Variants in TEAD1 observed in about 807,000 individuals in gnomAD.
TEAD1 encodes transcriptional enhancer factor TEF-1.
TEAD1 carries 9 observed loss-of-function variants against 54.9 expected under a neutral mutation model. The ratio of observed to expected loss-of-function variants is 0.16; its 90% CI spans 0.10 to 0.29. The LOEUF (loss-of-function observed/expected upper bound fraction) is 0.29, where lower values mean the gene tolerates loss of function less well. Among genes scored for constraint, TEAD1 ranks in the 10% least tolerant of loss-of-function variants. The pLI is 1.00. For synonymous variants in TEAD1, 200 were observed against 187.8 expected, an observed-to-expected ratio of 1.07 and a Z score of -0.53; for missense variants, 387 against 535.9, an observed-to-expected ratio of 0.72 and a Z score of 2.74.
Position 12,938,653 on chromosome 11 carries a change from A to G in TEAD1, c.*1431A>G, listed in dbSNP as rs937255235. On this transcript the variant is annotated 3_prime_UTR_variant, in exon 13 of 13. Coordinates refer to ENST00000527636, the MANE Select transcript of TEAD1 (RefSeq NM_021961.6). Reference sequence around the variant, plus strand: ...AGCTACCTATCTCTGACCTTTTCAAATAGGCTCATTTGGGAGATTCTTTTG... The same window carrying G: ...AGCTACCTATCTCTGACCTTTTCAAGTAGGCTCATTTGGGAGATTCTTTTG... The G allele has an allele frequency of 1.3e-5, 2 of 152,246 alleles. No homozygotes were observed. Among genetic ancestry groups the G allele is most frequent in the African/African-American group, 4.8e-5 (2 of 41,468 alleles). The allele number at this position is 152,246 out of a possible 1,614,324, so 9.4% of individuals were successfully genotyped here.
chr11:12,713,481 G>A (rs1943985944), intron 2 of TEAD1, among the ~76,000 whole-genome samples: 1 of 152,198 alleles, frequency 6.6e-6, no homozygotes, highest in Non-Finnish European at 1.5e-5. Flanking sequence ...GTATTAGTTT[G>A]TTGGCTCTTA....
At chr11:12,809,442 T>C (rs1946245851) in intron 3 of TEAD1, among the ~76,000 whole-genome samples, 1 of 152,176 alleles carries the variant, frequency 6.6e-6, no homozygotes, top group African/African-American at 2.4e-5. Flanking sequence ...TGGGCCCCCA[T>C]TTCTGAATCT....
chr11:12,818,623 T>G (rs1946466888), intron 3 of TEAD1, among the ~76,000 whole-genome samples: 1 of 152,200 alleles, frequency 6.6e-6, no homozygotes, highest in East Asian at 1.9e-4. Context: ...TCCTCCCTTC[T>G]TCCCCTACAT....
intron 3 of TEAD1, among the ~76,000 whole-genome samples, chr11:12,768,657 G>A (rs560591619): frequency 5.9e-5 from 9 of 152,306 alleles, no homozygotes; most frequent in South Asian, 2.1e-4. Flanking sequence ...GGTAGAGACC[G>A]TTATACATAA....
At chr11:12,936,319 G>A (rs1408869059) in intron 12 of TEAD1, among the ~76,000 whole-genome samples, 1 of 152,130 alleles carries the variant, frequency 6.6e-6, no homozygotes, top group African/African-American at 2.4e-5. Flanking sequence ...GAGACTGGAG[G>A]GGAAGCATGA....
chr11:12,853,392 A>G (rs759483806), intron 3 of TEAD1, among the ~76,000 whole-genome samples: 2 of 152,178 alleles, frequency 1.3e-5, no homozygotes, highest in Non-Finnish European at 2.9e-5. Context: ...AGATGTGGGC[A>G]GTAGGAGCCT....
At chr11:12,936,297 A>G (rs1044106812) in intron 12 of TEAD1, among the ~76,000 whole-genome samples, 1 of 152,222 alleles carries the variant, frequency 6.6e-6, no homozygotes, top group African/African-American at 2.4e-5. Context: ...AGGGATAATT[A>G]GAGGGATTCA....
chr11:12,731,846 T>C (rs777903622), intron 2 of TEAD1, among the ~76,000 whole-genome samples: 7 of 152,200 alleles, frequency 4.6e-5, no homozygotes, highest in Admixed American at 6.5e-5. Flanking sequence ...GGATATGGCT[T>C]TGTGCCCGTT....
chr11:12,692,604 C>G (rs1943483144), intron 2 of TEAD1, among the ~76,000 whole-genome samples: 1 of 152,192 alleles, frequency 6.6e-6, no homozygotes, highest in Admixed American at 6.5e-5. Context: ...CCCCCCGCCC[C>G]CGCTTTCCTC....
At chr11:12,693,540 A>G (rs1475873396) in intron 2 of TEAD1, among the ~76,000 whole-genome samples, 1 of 152,196 alleles carries the variant, frequency 6.6e-6, no homozygotes, top group Non-Finnish European at 1.5e-5. Context: ...ACCTTATCCC[A>G]CCTGTTATCC....
chr11:12,785,251 G>A (rs889517767), intron 3 of TEAD1, among the ~76,000 whole-genome samples: 1 of 152,132 alleles, frequency 6.6e-6, no homozygotes, highest in African/African-American at 2.4e-5. Context: ...AGAGCTGGAG[G>A]GATCTGGAGA....
intron 5 of TEAD1, among the ~76,000 whole-genome samples, chr11:12,867,968 C>T (rs1035255731): frequency 2.0e-5 from 3 of 152,180 alleles, no homozygotes; most frequent in African/African-American, 7.2e-5. Flanking sequence ...AGACACTGCC[C>T]TAGCCAGGTT....
chr11:12,877,443 G>A (rs544845415), intron 5 of TEAD1, among the ~76,000 whole-genome samples: 44 of 152,192 alleles, frequency 2.9e-4, no homozygotes, highest in Middle Eastern at 3.4e-3. Context: ...ATCTGAGGTC[G>A]GGAGTTCGAG....
chr11:12,929,452 G>T (rs1371144192), intron 11 of TEAD1, among the ~76,000 whole-genome samples: 1 of 149,736 alleles, frequency 6.7e-6, no homozygotes, highest in Non-Finnish European at 1.5e-5. Context: ...TTTTAAGGAT[G>T]TGTGTTTTAT....
At chr11:12,856,800 C>T (rs182703584) in intron 3 of TEAD1, among the ~76,000 whole-genome samples, 1 of 152,270 alleles carries the variant, frequency 6.6e-6, no homozygotes, top group East Asian at 1.9e-4. Flanking sequence ...CCAGGGCAGT[C>T]CAGTCCTTCA....
intron 2 of TEAD1, among the ~76,000 whole-genome samples, chr11:12,721,519 CAA>C (rs913420932): frequency 3.9e-5 from 6 of 152,156 alleles, no homozygotes; most frequent in African/African-American, 1.4e-4. Context: ...AATAAGCAAA[CAA>C]AGAAAATAAA....
At chr11:12,676,160 A>G (rs530309943) in intron 2 of TEAD1, among the ~76,000 whole-genome samples, 1 of 152,380 alleles carries the variant, frequency 6.6e-6, no homozygotes, top group East Asian at 1.9e-4. Context: ...AATAGTAAAA[A>G]GAAATACTAA....
At chr11:12,907,740 T>C (rs1284941481) in intron 10 of TEAD1, among the ~76,000 whole-genome samples, 1 of 152,218 alleles carries the variant, frequency 6.6e-6, no homozygotes, top group Non-Finnish European at 1.5e-5. Flanking sequence ...TGAGTCCCAC[T>C]TCACACATGA....
chr11:12,680,840 G>A (rs942882171), intron 2 of TEAD1, among the ~76,000 whole-genome samples: 1 of 152,196 alleles, frequency 6.6e-6, no homozygotes, highest in Non-Finnish European at 1.5e-5. Context: ...CGTGCCTATT[G>A]TTATGGCAGC....
Sources: allele counts gnomAD v4.1 joint callset (sites outside exome capture counted in the v4.1 genomes callset), GRCh38; gene constraint gnomAD v4.1.1; transcripts MANE v1.5; gene names NCBI Gene and HGNC (gene_info 2026-07-23, HGNC 2026-07-21).